The following DAPK1 variants were observed in gnomAD, a reference collection of about 807,000 sequenced individuals.
DAPK1 encodes death associated protein kinase 1.
In DAPK1, 56 loss-of-function variants were observed where a neutral mutation model predicts 144.9. The ratio of observed to expected loss-of-function variants is 0.39; its 90% CI spans 0.31 to 0.48. DAPK1 has a LOEUF of 0.48. DAPK1 is among the 20% of genes least tolerant of loss of function. The pLI, the probability that DAPK1 is intolerant of heterozygous loss-of-function variation, is 0.95. For synonymous variants in DAPK1, 690 were observed against 749.0 expected, an observed-to-expected ratio of 0.92 and a Z score of 1.29; for missense variants, 1,454 against 1,875.4, an observed-to-expected ratio of 0.78 and a Z score of 4.15.
intron 2 of DAPK1, among the ~76,000 whole-genome samples, chr9:87,523,998 A>G (rs1331406886): frequency 2.0e-5 from 3 of 152,246 alleles, no homozygotes; most frequent in Admixed American, 1.3e-4. Flanking sequence ...TAGTGAGTGC[A>G]CTGTCTAAAC....
chr9:87,633,359 AG>A, intron 3 of DAPK1: 5 of 985,112 alleles, frequency 5.1e-6, no homozygotes, highest in South Asian at 4.7e-5. Flanking sequence ...CGTATGGGTG[AG>A]GGGGGATGGA....
At position 87,643,456 on chromosome 9, in the gene DAPK1, C is replaced by A; in HGVS notation, c.999C>A (p.Ser333Arg). The change falls in exon 11 of 26, where the codon AGC (serine) becomes AGA (arginine). Residue 333 changes from serine to arginine, a missense_variant. Coordinates refer to ENST00000408954, the MANE Select transcript of DAPK1 (RefSeq NM_004938.4). The stretch of plus-strand genomic sequence containing the variant: ...GAAGTAACATGAGTGTTGCCAGAAG[C>A]GATGATACTCTGGTAAGCAAACCCG... ...LSRSNMSVAR[S>R]DDTLDEEDSF... 6.2e-7 allele frequency: 1 copy of A among 1,606,114 alleles called. No individual in the cohort carries two copies. Among genetic ancestry groups the A allele is most frequent in the Non-Finnish European group, 8.5e-7 (1 of 1,175,504 alleles).
At chr9:87,668,758 G>A (rs996027038) in intron 19 of DAPK1, 84 bp downstream of exon 19, 1 of 845,636 alleles carries the variant, frequency 1.2e-6, no homozygotes, top group African/African-American at 1.7e-5. Flanking sequence ...TTGAGAATGA[G>A]CAAAATGAGG....
intron 2 of DAPK1, among the ~76,000 whole-genome samples, chr9:87,565,480 C>T (rs1032022593): frequency 5.3e-5 from 8 of 152,128 alleles, no homozygotes; most frequent in Admixed American, 4.6e-4. Context: ...TGAAGTGCCT[C>T]ACTACAGGTC....
At chr9:87,531,215 G>C (rs369735263) in intron 2 of DAPK1, among the ~76,000 whole-genome samples, 1 of 152,186 alleles carries the variant, frequency 6.6e-6, no homozygotes, top group East Asian at 1.9e-4. Flanking sequence ...GTCATAGCTT[G>C]TGCGTGAGTC....
chr9:87,563,747 G>A (rs1301638673), intron 2 of DAPK1, among the ~76,000 whole-genome samples: 4 of 152,152 alleles, frequency 2.6e-5, no homozygotes, highest in Non-Finnish European at 5.9e-5. Flanking sequence ...CTCTCAGACT[G>A]CAGACATGTG....
chr9:87,687,565 G>A (rs1188247229), intron 21 of DAPK1, among the ~76,000 whole-genome samples: 3 of 151,978 alleles, frequency 2.0e-5, no homozygotes, highest in Non-Finnish European at 4.4e-5. Context: ...GGTCAATTCC[G>A]TATCTTTGCT....
chr9:87,643,613 G>T, intron 11 of DAPK1, 145 bp downstream of exon 11: 1 of 589,612 alleles, frequency 1.7e-6, no homozygotes, highest in East Asian at 2.8e-5. Context: ...GGGTTTGGGG[G>T]TGCTGATTGA....
intron 18 of DAPK1, among the ~76,000 whole-genome samples, chr9:87,661,655 T>C (rs1248497720): frequency 6.6e-6 from 1 of 152,246 alleles, no homozygotes; most frequent in Non-Finnish European, 1.5e-5. Context: ...TAGCCCACTT[T>C]TAAGTGGGAT....
chr9:87,603,342 T>C (rs36207155), intron 2 of DAPK1, among the ~76,000 whole-genome samples: 3,728 of 152,264 alleles, frequency 0.024, 164 homozygotes, highest in African/African-American at 0.084. Context: ...ATAGACCCCG[T>C]AATTGTTTAA....
intron 21 of DAPK1, among the ~76,000 whole-genome samples, chr9:87,690,679 G>T (rs984124630): frequency 5.3e-5 from 8 of 151,892 alleles, no homozygotes; most frequent in African/African-American, 1.7e-4. Context: ...TTATGTTGAG[G>T]TATGGGTTCG....
chr9:87,634,023 G>T (rs1305621684), intron 3 of DAPK1, among the ~76,000 whole-genome samples: 1 of 152,242 alleles, frequency 6.6e-6, no homozygotes, highest in Non-Finnish European at 1.5e-5. Context: ...CCCAGGTTGG[G>T]CTGTGATGAC....
At chr9:87,555,715 C>T (rs1393190203) in intron 2 of DAPK1, among the ~76,000 whole-genome samples, 1 of 152,154 alleles carries the variant, frequency 6.6e-6, no homozygotes, top group African/African-American at 2.4e-5. Flanking sequence ...GTTGGTCAGG[C>T]TGGTCTCGAA....
chr9:87,571,961 T>C (rs1827378288), intron 2 of DAPK1, among the ~76,000 whole-genome samples: 1 of 152,200 alleles, frequency 6.6e-6, no homozygotes, highest in Non-Finnish European at 1.5e-5. Context: ...CTTTGTGTTT[T>C]CTTTTGCCTT....
At position 87,650,085 on chromosome 9, in the gene DAPK1, C is replaced by T. The variant is rs773562327; in HGVS notation, c.1593C>T (p.Ala531=). ...RGYHDIVECL[A]EHGADLNACD... is the part of the protein sequence containing the mutation. ...ACCACGACATCGTGGAGTGTCTGGC[C>T]GAACATGGAGCCGACCTTAATGCTT... The change falls in exon 16 of 26, where the codon GCC becomes GCT. Residue 531 remains alanine, a synonymous_variant. Coordinates refer to ENST00000408954, the MANE Select transcript of DAPK1 (RefSeq NM_004938.4). 19 of 1,613,896 alleles carry T rather than the reference C, an allele frequency of 1.2e-5. No homozygotes were observed. Among genetic ancestry groups the T allele is most frequent in the South Asian group, 1.1e-4 (10 of 91,076 alleles).
chr9:87,542,514 T>G (rs1826091975), intron 2 of DAPK1, among the ~76,000 whole-genome samples: 1 of 152,224 alleles, frequency 6.6e-6, no homozygotes, highest in Admixed American at 6.5e-5. Context: ...AGAGCTGTCC[T>G]GTGCCATAGG....
chr9:87,592,093 G>C (rs1311404368), intron 2 of DAPK1, among the ~76,000 whole-genome samples: 1 of 152,222 alleles, frequency 6.6e-6, no homozygotes, highest in Admixed American at 6.5e-5. Flanking sequence ...TCTGACCTCA[G>C]TGTTTCCGTA....
At chr9:87,656,348 A>G (rs756241859) in intron 17 of DAPK1, among the ~76,000 whole-genome samples, 2 of 152,086 alleles carry the variant, frequency 1.3e-5, no homozygotes, top group African/African-American at 4.8e-5. Flanking sequence ...TTCTGTCCCA[A>G]CCTGGGCCCT....
chr9:87,504,884 G>GA (rs547336738), intron 2 of DAPK1, among the ~76,000 whole-genome samples: 156 of 151,930 alleles, frequency 1.0e-3, no homozygotes, highest in African/African-American at 3.6e-3. Context: ...ATAATAACCA[G>GA]AAAAAAAAGT....
Sources: gnomAD v4.1 joint callset for allele counts (sites outside exome capture counted in the v4.1 genomes callset) on GRCh38, gnomAD v4.1.1 for gene constraint, MANE v1.5 for transcripts, NCBI Gene and HGNC (gene_info 2026-07-23, HGNC 2026-07-21) for gene names.